The following FAM199X variants were observed in gnomAD, a reference collection of about 807,000 sequenced individuals.
FAM199X encodes the protein family with sequence similarity 199, X-linked.
Under a neutral mutation model 22.9 loss-of-function variants are expected in FAM199X, and 4 were observed. The observed-to-expected ratio is 0.17, with a 90% confidence interval of 0.09 to 0.40. The LOEUF (loss-of-function observed/expected upper bound fraction) is 0.40, where lower values mean the gene tolerates loss of function less well. Among genes scored for constraint, FAM199X ranks in the 10% least tolerant of loss-of-function variants. The pLI is 1.00. For synonymous variants in FAM199X, 101 were observed against 112.3 expected (o/e 0.90, Z 0.64); for missense variants, 183 against 306.8 (o/e 0.60, Z 3.01).
At chrX:104,180,285 TC>T (rs1197194677) in intron 2 of FAM199X, among the ~76,000 whole-genome samples, 2 of 105,488 alleles carry the variant, frequency 1.9e-5, no homozygotes, top group African/African-American at 6.8e-5. Context: ...TCAGCCAGTG[TC>T]TCTTTTTTTT....
At chrX:104,183,960 A>G (rs1602520355) in intron 2 of FAM199X, among the ~76,000 whole-genome samples, 2 of 111,524 alleles carry the variant, frequency 1.8e-5, no homozygotes, top group African/African-American at 6.5e-5. Context: ...ATTGACTCCT[A>G]TCTTTGTGGT....
At chrX:104,172,218 G>A (rs1324623157) in intron 1 of FAM199X, among the ~76,000 whole-genome samples, 2 of 102,702 alleles carry the variant, frequency 1.9e-5, no homozygotes, top group Non-Finnish European at 4.0e-5. Context: ...CCCGGACAAC[G>A]TGATGAAACC....
rs1444724612 is a variant in FAM199X, at chrX:104,166,908, G to C, written c.123G>C (p.Leu41=). The change falls in exon 1 of 6, where the codon CTG becomes CTC. Residue 41 remains leucine, a synonymous_variant. Transcript: ENST00000493442. ...GCCCGAGCGAGGAGCCGGGCTGCCT[G>C]GACATCAGCGACTTCGGCTGCCAGC... ...GTCPSEEPGC[L]DISDFGCQLS... 2 of 1,199,969 alleles carry C rather than the reference G, an allele frequency of 1.7e-6. No homozygotes were observed. The highest frequency in any genetic ancestry group is 3.1e-5 in the East Asian group (1 of 32,573).
chrX:104,183,252 T>TA (rs1477550433), intron 2 of FAM199X, among the ~76,000 whole-genome samples: 1 of 101,877 alleles, frequency 9.8e-6, no homozygotes, highest in Non-Finnish European at 2.0e-5. Flanking sequence ...GAAGTATCTC[T>TA]TTTTTTTTTT....
intron 1 of FAM199X, among the ~76,000 whole-genome samples, chrX:104,173,894 A>G (rs1192132583): frequency 2.7e-5 from 3 of 112,533 alleles, no homozygotes; most frequent in Non-Finnish European, 5.6e-5. Flanking sequence ...TGAAAATATT[A>G]GCACATAGGA....
Position 104,190,085 on chromosome X carries a change from A to G in FAM199X, c.*307A>G, listed in dbSNP as rs1921899273. ...TGCACAGTCTAGTTTAAGAACCACT[A>G]CTTTGGGTAAACGTTTTGACTGTTT... On this transcript the variant is annotated 3_prime_UTR_variant, in exon 6 of 6. Coordinates refer to ENST00000493442, the MANE Select transcript of FAM199X (RefSeq NM_207318.4). 1.4e-5 allele frequency: 3 copies of G among 211,899 alleles called. No homozygotes were observed. The highest frequency in any genetic ancestry group is 2.5e-5 in the Non-Finnish European group (3 of 118,074). 17.5% of individuals were successfully genotyped at this position (211,899 alleles called of 1,213,427 possible).
chrX:104,164,520 G>A (rs369749778), upstream of FAM199X, among the ~76,000 whole-genome samples: 5 of 111,637 alleles, frequency 4.5e-5, no homozygotes, highest in East Asian at 1.4e-3. Context: ...AAACCTCACA[G>A]ACTCTCTCAT....
intron 2 of FAM199X, among the ~76,000 whole-genome samples, chrX:104,182,756 G>A (rs920904287): frequency 1.4e-4 from 16 of 111,356 alleles, no homozygotes; most frequent in African/African-American, 5.2e-4. Flanking sequence ...ATTCTCTGAG[G>A]GATTGTGCTG....
At position 104,169,859 on chromosome X, in the gene FAM199X, C is replaced by T. The variant is rs781897104; in HGVS notation, c.197+2877C>T. ...CTGGGATTACAGGTGTGAGCCACCG[C>T]GCCCGGCCCAGTATTCAAATTAAAG... On this transcript the variant is annotated intron_variant, in intron 1 of 5. Transcript: ENST00000493442. 8.0e-5 allele frequency among the ~76,000 whole-genome samples: 9 copies of T among 112,124 alleles called. No homozygotes were observed. The South Asian group carries it at 1.5e-3, about 19-fold the overall frequency.
rs1556381429 is a variant in FAM199X at position 104,195,503 on chromosome X, T to A, written c.*5725T>A. ...GTAAGTGAAAATTGTCTAATTTTTT[T>A]AATCCATGCTATTACTGGGCAGTAG... On this transcript the variant is annotated 3_prime_UTR_variant, in exon 6 of 6. Coordinates refer to ENST00000493442, the MANE Select transcript of FAM199X (RefSeq NM_207318.4). 8.9e-6 allele frequency: 1 copy of A among 111,981 alleles called. No individual in the cohort carries two copies. Among genetic ancestry groups the A allele is most frequent in the Non-Finnish European group, 1.9e-5 (1 of 53,198 alleles). 9.2% of individuals were successfully genotyped at this position (111,981 alleles called of 1,213,427 possible).
In FAM199X at chrX:104,166,650, C is replaced by A. The variant is rs1921198739; in HGVS notation, c.-136C>A. Reference sequence around the variant, plus strand: ...CCCGGCAAGCAGCAGCGGGCCGCGACGCCCAGCCTGCCAGTGAGCTGCGAC... The same window carrying A: ...CCCGGCAAGCAGCAGCGGGCCGCGAAGCCCAGCCTGCCAGTGAGCTGCGAC... On this transcript the variant is annotated 5_prime_UTR_variant, in exon 1 of 6. Coordinates refer to ENST00000493442, the MANE Select transcript of FAM199X (RefSeq NM_207318.4). The A allele has an allele frequency of 4.1e-5, 22 of 541,506 alleles. No individual in the cohort carries two copies. The South Asian group carries it at 8.1e-4, about 20-fold the overall frequency. The allele number at this position is 541,506 out of a possible 1,213,427, so 44.6% of individuals were successfully genotyped here. A position where few individuals can be genotyped will look rare whatever the true frequency, so the allele number is the denominator to read the frequency against.
At chrX:104,160,293 A>G in the FAM199X span, among the ~76,000 whole-genome samples, 2 of 112,688 alleles carry the variant, frequency 1.8e-5, no homozygotes, top group African/African-American at 6.4e-5. Context: ...CCTGAAATCT[A>G]CTGTCTTGGT....
intron 1 of FAM199X, 101 bp downstream of exon 1, chrX:104,167,083 C>A (rs1366165380): frequency 5.3e-6 from 4 of 758,257 alleles, no homozygotes; most frequent in Non-Finnish European, 7.2e-6. Flanking sequence ...CCCCCTCCCC[C>A]ACCTGCTTTC....
rs1556374087 is a variant in FAM199X, at chrX:104,166,906, C to T, written c.121C>T (p.Leu41=). 1.7e-6 allele frequency: 2 copies of T among 1,202,348 alleles called. No individual in the cohort carries two copies. Among genetic ancestry groups the T allele is most frequent in the African/African-American group, 3.5e-5 (2 of 57,292 alleles). The change falls in exon 1 of 6, where the codon CTG becomes TTG. Residue 41 remains leucine, a synonymous_variant. Transcript: ENST00000493442. ...CTGCCCGAGCGAGGAGCCGGGCTGC[C>T]TGGACATCAGCGACTTCGGCTGCCA... The part of the protein sequence containing the change: ...GTCPSEEPGC[L]DISDFGCQLS...
At chrX:104,162,879 T>C (rs1003906029), upstream of FAM199X, among the ~76,000 whole-genome samples, 3 of 111,697 alleles carry the variant, frequency 2.7e-5, no homozygotes, top group Non-Finnish European at 5.6e-5. Flanking sequence ...TCCTGGATTG[T>C]TGTAAAATGA....
chrX:104,169,958 T>G (rs1057495925), intron 1 of FAM199X, among the ~76,000 whole-genome samples: 1 of 112,365 alleles, frequency 8.9e-6, no homozygotes, highest in Admixed American at 9.4e-5. Context: ...ACAGCCAGTT[T>G]CCTAAGCATT....
the FAM199X span, among the ~76,000 whole-genome samples, chrX:104,159,554 G>C: frequency 4.4e-5 from 5 of 112,473 alleles, no homozygotes; most frequent in Non-Finnish European, 9.4e-5. Context: ...AAGTGTTCAG[G>C]TTCTGCAGTG....
chrX:104,160,335 A>G, the FAM199X span, among the ~76,000 whole-genome samples: 1 of 113,134 alleles, frequency 8.8e-6, no homozygotes, highest in African/African-American at 3.2e-5. Flanking sequence ...ATCAAATTAG[A>G]AATGAAGATA....
intron 1 of FAM199X, among the ~76,000 whole-genome samples, chrX:104,167,263 C>G (rs1341446140): frequency 9.4e-6 from 1 of 105,943 alleles, no homozygotes; most frequent in Non-Finnish European, 1.9e-5. Context: ...TTCCCTCCCC[C>G]CATCTGTACC....
Sources: gnomAD v4.1 joint callset for allele counts (sites outside exome capture counted in the v4.1 genomes callset) on GRCh38, gnomAD v4.1.1 for gene constraint, MANE v1.5 for transcripts, NCBI Gene and HGNC (gene_info 2026-07-23, HGNC 2026-07-21) for gene names.